The following GTF2IRD1 variants were observed in gnomAD, a reference collection of about 807,000 sequenced individuals.
The protein encoded by GTF2IRD1 is general transcription factor II-I repeat domain-containing protein 1.
A neutral mutation model predicts 113.2 loss-of-function variants in GTF2IRD1; 26 were observed. The observed-to-expected ratio is 0.23, with a 90% CI of 0.17 to 0.32. The LOEUF (loss-of-function observed/expected upper bound fraction) is 0.32. Ranked by LOEUF, GTF2IRD1 falls within the 10% of genes least tolerant of loss-of-function variation. The pLI is 1.00. For synonymous variants in GTF2IRD1, 484 were observed against 529.1 expected, an observed-to-expected ratio of 0.91 and a Z score of 1.17; for missense variants, 864 against 1,280.8, an observed-to-expected ratio of 0.67 and a Z score of 4.97.
At chr7:74,531,997 T>C (rs1341385149) in intron 9 of GTF2IRD1, among the ~76,000 whole-genome samples, 1 of 152,156 alleles carries the variant, frequency 6.6e-6, no homozygotes, top group East Asian at 1.9e-4. Flanking sequence ...TGGTTCTAGC[T>C]AAGCCAGAAC....
chr7:74,598,551 G>A (rs748792888), intron 25 of GTF2IRD1, among the ~76,000 whole-genome samples: 1 of 151,940 alleles, frequency 6.6e-6, no homozygotes, highest in Non-Finnish European at 1.5e-5. Flanking sequence ...AGGAAGCGGC[G>A]GTTGCAGTGA....
intron 2 of GTF2IRD1, among the ~76,000 whole-genome samples, chr7:74,509,877 A>T (rs896800645): frequency 6.6e-6 from 1 of 152,036 alleles, no homozygotes; most frequent in Non-Finnish European, 1.5e-5. Flanking sequence ...GGGTTTCACC[A>T]TGTTGGCCAG....
chr7:74,572,757 GAT>G (rs1235391875), intron 22 of GTF2IRD1, among the ~76,000 whole-genome samples: 2 of 152,028 alleles, frequency 1.3e-5, no homozygotes, highest in Admixed American at 1.3e-4. Flanking sequence ...AGTTTCTAAA[GAT>G]ATCACAATTC....
At chr7:74,545,458 A>C (rs1450113713) in intron 15 of GTF2IRD1, among the ~76,000 whole-genome samples, 1 of 152,280 alleles carries the variant, frequency 6.6e-6, no homozygotes, top group East Asian at 1.9e-4. Context: ...ACTCAGTCAC[A>C]TACCTAGAAA....
In GTF2IRD1 at chr7:74,555,888, C is replaced by A. The variant is rs1424034777; in HGVS notation, c.2023+394C>A. ...CTTGGGAAGGTCAAGGTGGGAGGAT[C>A]GCTTGAGGCTGGGAGCTCGAGACAA... On this transcript the variant is annotated intron_variant, in intron 19 of 26. Transcript: ENST00000424337. The surrounding 1 kb of genome is among the most constrained non-coding windows in gnomAD (Gnocchi z 5.3). Among the ~76,000 whole-genome samples the A allele has an allele frequency of 6.6e-6, 1 of 152,184 alleles. No homozygotes were observed. Among genetic ancestry groups the A allele is most frequent in the Admixed American group, 6.6e-5 (1 of 15,254 alleles).
At chr7:74,584,906 A>T (rs1355170618) in intron 22 of GTF2IRD1, among the ~76,000 whole-genome samples, 1 of 151,866 alleles carries the variant, frequency 6.6e-6, no homozygotes, top group Non-Finnish European at 1.5e-5. Flanking sequence ...GGTTTAAGCG[A>T]TTCTCCTGCC....
In GTF2IRD1 at chr7:74,459,275, C is replaced by T. The variant is rs560820831; in HGVS notation, c.-7+5099C>T. Among the ~76,000 whole-genome samples the T allele has an allele frequency of 1.3e-4, 20 of 152,090 alleles. No homozygotes were observed. In the South Asian group the frequency reaches 2.5e-3, roughly 19 times the overall value. ...AGGAGTTTGACTAGCCTGGCCAACA[C>T]GGTGAAACCCCATCTCTACTAAAAA... is the stretch of plus-strand genomic sequence containing the variant. On this transcript the variant is annotated intron_variant, in intron 1 of 26. Coordinates refer to ENST00000424337, the MANE Select transcript of GTF2IRD1 (RefSeq NM_005685.4).
At chr7:74,543,290 G>A (rs1477305128) in intron 14 of GTF2IRD1, among the ~76,000 whole-genome samples, 20 of 151,766 alleles carry the variant, frequency 1.3e-4, no homozygotes, top group African/African-American at 9.7e-5. Context: ...TGACAAGAGC[G>A]AAACTCTGTC....
At chr7:74,533,132 C>CT (rs1562843369) in intron 9 of GTF2IRD1, among the ~76,000 whole-genome samples, 3 of 145,212 alleles carry the variant, frequency 2.1e-5, no homozygotes, top group Non-Finnish European at 3.0e-5. Flanking sequence ...TTCCATGCAT[C>CT]ATTTTTTTTT....
At chr7:74,579,400 C>G (rs1706346781) in intron 22 of GTF2IRD1, among the ~76,000 whole-genome samples, 1 of 152,086 alleles carries the variant, frequency 6.6e-6, no homozygotes, top group Admixed American at 6.6e-5. Context: ...GGCGGATCAC[C>G]TGAGGTCAGG....
chr7:74,552,285 G>A (rs1381570685), intron 17 of GTF2IRD1, among the ~76,000 whole-genome samples: 1 of 152,150 alleles, frequency 6.6e-6, no homozygotes, highest in East Asian at 1.9e-4. Flanking sequence ...TGTGGGGGTT[G>A]AGGAGGGTGT....
intron 9 of GTF2IRD1, among the ~76,000 whole-genome samples, chr7:74,534,676 G>T (rs1032518877): frequency 1.3e-5 from 2 of 151,990 alleles, no homozygotes; most frequent in African/African-American, 2.4e-5. Flanking sequence ...TCGCGCCACT[G>T]CACTCCAGCC....
intron 8 of GTF2IRD1, among the ~76,000 whole-genome samples, chr7:74,528,193 G>A (rs988789711): frequency 1.3e-5 from 2 of 152,146 alleles, no homozygotes; most frequent in Non-Finnish European, 2.9e-5. Context: ...CATTGAGGTC[G>A]CAGTGGCAAG....
intron 1 of GTF2IRD1, among the ~76,000 whole-genome samples, chr7:74,459,242 C>G (rs1008350085): frequency 1.3e-5 from 2 of 152,126 alleles, no homozygotes; most frequent in Admixed American, 6.6e-5. Context: ...GGCGGATCAC[C>G]TGAGGTCAGG....
chr7:74,517,297 T>A (rs1387966092), intron 4 of GTF2IRD1, among the ~76,000 whole-genome samples: 1 of 151,502 alleles, frequency 6.6e-6, no homozygotes, highest in African/African-American at 2.4e-5. Context: ...AGTGCTGGGA[T>A]TACAGGCGTG....
intron 22 of GTF2IRD1, among the ~76,000 whole-genome samples, chr7:74,585,078 A>C (rs1801640655): frequency 6.7e-6 from 1 of 148,748 alleles, no homozygotes; most frequent in African/African-American, 2.5e-5. Context: ...CTGGGATTAC[A>C]GATGTGAGCC....
chr7:74,586,557 G>A (rs781960276), intron 22 of GTF2IRD1, among the ~76,000 whole-genome samples: 3 of 152,164 alleles, frequency 2.0e-5, no homozygotes, highest in Non-Finnish European at 4.4e-5. Flanking sequence ...GGGTGTGGAC[G>A]GACCAGGCCA....
At chr7:74,545,374 T>C (rs587667718) in intron 15 of GTF2IRD1, among the ~76,000 whole-genome samples, 10 of 152,146 alleles carry the variant, frequency 6.6e-5, no homozygotes, top group African/African-American at 1.9e-4. Context: ...CTTAACACAG[T>C]TCCGCTGCCA....
intron 22 of GTF2IRD1, among the ~76,000 whole-genome samples, chr7:74,587,395 G>C (rs782160444): frequency 6.6e-6 from 1 of 151,996 alleles, no homozygotes; most frequent in Non-Finnish European, 1.5e-5. Flanking sequence ...AGCGAACCGA[G>C]ACCGTGCCAC....
Sources: allele counts gnomAD v4.1 joint callset (sites outside exome capture counted in the v4.1 genomes callset), GRCh38; gene constraint gnomAD v4.1.1; non-coding constraint Gnocchi (gnomAD v3.1); transcripts MANE v1.5; gene names NCBI Gene and HGNC (gene_info 2026-07-23, HGNC 2026-07-21).